Variants in MTUS2 observed in about 807,000 individuals in gnomAD.
MTUS2 encodes the protein microtubule associated scaffold protein 2, also known as microtubule-associated tumor suppressor candidate 2.
A neutral mutation model predicts 114.1 loss-of-function variants in MTUS2; 40 were observed. The ratio of observed to expected loss-of-function variants is 0.35; its 90% confidence interval spans 0.27 to 0.46. The LOEUF (loss-of-function observed/expected upper bound fraction) is 0.46, where lower values mean the gene tolerates loss of function less well. Among genes scored for constraint, MTUS2 ranks in the 20% least tolerant of loss-of-function variants. The probability of loss-of-function intolerance (pLI) is 1.00; values close to 1 mark genes in which losing one functional copy is unlikely to be tolerated. For synonymous variants in MTUS2, 688 were observed against 672.0 expected (o/e 1.02, Z -0.37); for missense variants, 1,679 against 1,705.4 (o/e 0.98, Z 0.27).
At chr13:29,281,918 A>T (rs1399081650) in intron 6 of MTUS2, 53 bp downstream of exon 6, 1 of 1,509,902 alleles carries the variant, frequency 6.6e-7, no homozygotes, top group East Asian at 2.3e-5. Context: ...TTTCTGCATT[A>T]ATAAAAAGTC....
At chr13:29,449,177 T>C (rs1252848102) in intron 9 of MTUS2, among the ~76,000 whole-genome samples, 3 of 149,630 alleles carry the variant, frequency 2.0e-5, no homozygotes, top group African/African-American at 5.1e-5. Context: ...TTTTCTATAA[T>C]ATAAAATAAA....
At chr13:29,491,055 G>A (rs1566234351) in intron 11 of MTUS2, among the ~76,000 whole-genome samples, 1 of 150,224 alleles carries the variant, frequency 6.7e-6, no homozygotes, top group Non-Finnish European at 1.5e-5. Flanking sequence ...GTGTGTGGTG[G>A]GAGGCATGGG....
intron 7 of MTUS2, among the ~76,000 whole-genome samples, chr13:29,343,931 G>T (rs1352191383): frequency 6.6e-6 from 1 of 152,058 alleles, no homozygotes; most frequent in Non-Finnish European, 1.5e-5. Flanking sequence ...TCAAGAGCAG[G>T]TTATTTAATT....
intron 9 of MTUS2, among the ~76,000 whole-genome samples, chr13:29,474,779 C>G (rs993062920): frequency 6.6e-6 from 1 of 152,108 alleles, no homozygotes; most frequent in Non-Finnish European, 1.5e-5. Context: ...TTGTCCTTGA[C>G]TCAGATTTTT....
chr13:29,078,444 A>C (rs372122337), intron 4 of MTUS2, among the ~76,000 whole-genome samples: 9 of 152,324 alleles, frequency 5.9e-5, no homozygotes, highest in African/African-American at 1.9e-4. Context: ...ATGTAAGCCT[A>C]TTCCTGAGCT....
intron 11 of MTUS2, among the ~76,000 whole-genome samples, chr13:29,492,146 G>A (rs1882197646): frequency 4.5e-5 from 1 of 22,226 alleles, no homozygotes; most frequent in African/African-American, 5.6e-5. Context: ...TGTGGTAGGT[G>A]TGTATGTGTG....
In MTUS2 at chr13:28,898,028, G is replaced by T. The variant is rs181410501; in HGVS notation, c.-243+58178G>T. 2.9e-3 allele frequency among the ~76,000 whole-genome samples: 444 copies of T among 151,942 alleles called. 3 individuals are homozygous for T. The highest frequency in any genetic ancestry group is 9.5e-3 in the African/African-American group (394 of 41,462). The stretch of plus-strand genomic sequence containing the variant: ...GACTAACCTGCACATTGTGCACATG[G>T]ACCCTAAAACTTAAAGTATAAAAAA... On this transcript the variant is annotated intron_variant, in intron 2 of 15. Transcript: ENST00000612955.
chr13:28,824,159 C>G (rs1409788460), intron 1 of MTUS2, among the ~76,000 whole-genome samples: 1 of 152,116 alleles, frequency 6.6e-6, no homozygotes, highest in Non-Finnish European at 1.5e-5. Context: ...CAAGGCTGCC[C>G]CAAAGAATTT....
intron 5 of MTUS2, among the ~76,000 whole-genome samples, chr13:29,229,113 T>A (rs570721392): frequency 2.6e-5 from 4 of 152,186 alleles, no homozygotes; most frequent in Admixed American, 2.0e-4. Context: ...CCCCCGAGAC[T>A]TTGATACCTT....
chr13:29,409,976 AC>A (rs1177958120), intron 8 of MTUS2, among the ~76,000 whole-genome samples: 1 of 152,164 alleles, frequency 6.6e-6, no homozygotes, highest in Non-Finnish European at 1.5e-5. Flanking sequence ...TCCTAGATGT[AC>A]AATTTCTAGA....
rs149213201 is a variant in MTUS2 at position 28,935,078 on chromosome 13, A to G, written c.-242-89379A>G. On this transcript the variant is annotated intron_variant, in intron 2 of 15. Coordinates refer to ENST00000612955, the MANE Select transcript of MTUS2 (RefSeq NM_001033602.4). ...GCAGATGTAATCATTGATCAGGTGC[A>G]CTTGTGTGTCTGGCTTCTTTTGCTG... 1.1e-3 allele frequency among the ~76,000 whole-genome samples: 137 copies of G among 129,292 alleles called. 3 individuals carry two copies. In the East Asian group the frequency reaches 0.027, roughly 25 times the overall value. 84.8% of individuals were successfully genotyped at this position (129,292 alleles called of 152,430 possible).
At chr13:29,234,613 A>G (rs1031554668) in intron 5 of MTUS2, among the ~76,000 whole-genome samples, 14 of 152,182 alleles carry the variant, frequency 9.2e-5, no homozygotes, top group African/African-American at 3.4e-4. Flanking sequence ...ACACTTAGAA[A>G]AAAACTCCTT....
At position 29,490,693 on chromosome 13, in the gene MTUS2, G is replaced by A. The variant is rs144352908; in HGVS notation, c.3506-1953G>A. 7.6e-3 allele frequency among the ~76,000 whole-genome samples: 1,165 copies of A among 152,382 alleles called. 22 individuals carry two copies. Among genetic ancestry groups the A allele is most frequent in the African/African-American group, 0.026 (1,097 of 41,592 alleles). On this transcript the variant is annotated intron_variant, in intron 11 of 15. Coordinates refer to ENST00000612955, the MANE Select transcript of MTUS2 (RefSeq NM_001033602.4). ...CTGAAGCAAATCCCAGGGACGTATA[G>A]TTCTCCGAGTGCAGCCAAGAGGCTA...
intron 2 of MTUS2, among the ~76,000 whole-genome samples, chr13:29,000,529 AT>A (rs574166232): frequency 6.6e-6 from 1 of 151,572 alleles, no homozygotes; most frequent in African/African-American, 2.4e-5. Flanking sequence ...CACCCGGGTA[AT>A]TTTTTTTGTA....
intron 5 of MTUS2, among the ~76,000 whole-genome samples, chr13:29,276,967 C>G (rs964513576): frequency 5.9e-5 from 9 of 151,882 alleles, no homozygotes; most frequent in Admixed American, 3.3e-4. Context: ...GGGAAATTCT[C>G]TCAATGACAT....
intron 2 of MTUS2, among the ~76,000 whole-genome samples, chr13:28,894,293 A>AGAGG (rs1879114403): frequency 2.2e-4 from 1 of 4,562 alleles, no homozygotes; most frequent in Non-Finnish European, 4.2e-4. Flanking sequence ...GGGGGGGGAG[A>AGAGG]GAGAGAGAGA....
chr13:29,030,326 C>T (rs548140556), intron 3 of MTUS2, among the ~76,000 whole-genome samples: 2 of 152,228 alleles, frequency 1.3e-5, no homozygotes, highest in East Asian at 3.9e-4. Flanking sequence ...CTCGAGCATC[C>T]CAAAGTCTTC....
At chr13:29,076,391 A>G (rs1470975633) in intron 4 of MTUS2, among the ~76,000 whole-genome samples, 1 of 152,246 alleles carries the variant, frequency 6.6e-6, no homozygotes, top group African/African-American at 2.4e-5. Flanking sequence ...GAAAACTGCA[A>G]CAATTATTTA....
intron 7 of MTUS2, among the ~76,000 whole-genome samples, chr13:29,347,790 A>G (rs1868855748): frequency 6.6e-6 from 1 of 152,216 alleles, no homozygotes; most frequent in South Asian, 2.1e-4. Flanking sequence ...CTTGGCTACA[A>G]ATTGGAGGTT....
Sources: gnomAD v4.1 joint callset for allele counts (sites outside exome capture counted in the v4.1 genomes callset) on GRCh38, gnomAD v4.1.1 for gene constraint, MANE v1.5 for transcripts, NCBI Gene and HGNC (gene_info 2026-07-23, HGNC 2026-07-21) for gene names.